The following TMEM94 variants were observed in gnomAD, a reference collection of about 807,000 sequenced individuals.
TMEM94 encodes the protein ER Mg2+ ATPase.
A neutral mutation model predicts 158.6 loss-of-function variants in TMEM94; 81 were observed. That is an observed-to-expected ratio of 0.51 (90% CI 0.43 to 0.61). TMEM94 has a LOEUF of 0.61. Ranked by LOEUF, TMEM94 falls within the 20% of genes least tolerant of loss-of-function variation. TMEM94 has a pLI of 0.00. For synonymous variants in TMEM94, 751 were observed against 730.7 expected (o/e 1.03, Z -0.45); for missense variants, 1,435 against 1,762.0 (o/e 0.81, Z 3.32).
chr17:75,486,050 G>T, intron 4 of TMEM94, 52 bp downstream of exon 4: 3 of 1,553,404 alleles, frequency 1.9e-6, no homozygotes, highest in South Asian at 2.4e-5. Flanking sequence ...TGTCCATCCT[G>T]CCGCGGCACC....
At chr17:75,486,268 G>A (rs368815448) in intron 4 of TMEM94, 22 bp from the exon 5 acceptor site, 83 of 1,613,596 alleles carry the variant, frequency 5.1e-5, no homozygotes, top group African/African-American at 1.3e-4. Context: ...CTGTGGGTGC[G>A]GCCTCTCTTT....
intron 2 of TMEM94, among the ~76,000 whole-genome samples, chr17:75,476,298 C>T (rs566213379): frequency 1.3e-5 from 2 of 152,290 alleles, no homozygotes; most frequent in African/African-American, 4.8e-5. Context: ...GCATGGTGCC[C>T]CTCAGCTAAC....
chr17:75,462,999 T>A (rs988064054), intron 1 of TMEM94, among the ~76,000 whole-genome samples: 7 of 19,848 alleles, frequency 3.5e-4, no homozygotes, highest in Non-Finnish European at 4.0e-4. Context: ...TCTCCAAAAA[T>A]AAAAAAAGTA....
intron 1 of TMEM94, among the ~76,000 whole-genome samples, chr17:75,462,293 G>A (rs960875475): frequency 6.6e-6 from 1 of 151,806 alleles, no homozygotes; most frequent in Admixed American, 6.6e-5. Context: ...TGTCAGCCTC[G>A]ACCTCCCAAA....
In TMEM94 at chr17:75,489,324, A is replaced by G; in HGVS notation, c.823A>G (p.Thr275Ala). ...CACTGCCCTGGACAATGAGCGGTTC[A>G]CAGTGCAGTCGGTGATGCTACACTA... ...PVTALDNERF[T>A]VQSVMLHYAV... is the part of the protein sequence containing the mutation. The change falls in exon 8 of 32, where the codon ACA becomes GCA. Residue 275 changes from threonine to alanine, a missense_variant. Transcript: ENST00000314256. This position sits in a 1 kb window ranked among gnomAD's most constrained non-coding sequence, Gnocchi z 5.0. 6.2e-7 allele frequency: 1 copy of G among 1,614,214 alleles called. No homozygotes were observed. The highest frequency in any genetic ancestry group is 8.5e-7 in the Non-Finnish European group (1 of 1,180,042).
At position 75,489,773 on chromosome 17, in the gene TMEM94, G is replaced by A. The variant is rs1441753917; in HGVS notation, c.954+111G>A. 1.8e-5 allele frequency: 17 copies of A among 947,156 alleles called. No individual in the cohort carries two copies. The highest frequency in any genetic ancestry group is 2.3e-5 in the Non-Finnish European group (14 of 604,306). The allele number at this position is 947,156 out of a possible 1,614,324, so 58.7% of individuals were successfully genotyped here. On this transcript the variant is annotated intron_variant, in intron 9 of 31. Coordinates refer to ENST00000314256, the MANE Select transcript of TMEM94 (RefSeq NM_014738.6). The surrounding 1 kb of genome is among the most constrained non-coding windows in gnomAD (Gnocchi z 5.0). ...CTCTGCAGCCCAGAGGTCCCCTCAC[G>A]CTTCAGCTTAAGAACACCTCTTTCC... is the stretch of plus-strand genomic sequence containing the variant.
rs779931955 is a variant in TMEM94 at position 75,493,855 on chromosome 17, C to G, written c.2346C>G (p.Cys782Trp). ...VPGQSSIFTMCELPSTIPIKQ... is the reference protein window; with the variant it reads ...VPGQSSIFTMWELPSTIPIKQ... ...GCCAAAGCAGCATCTTCACCATGTGCGAGCTGCCCAGCACCATCCCCATCA... is the reference window on the plus strand; with the variant it reads ...GCCAAAGCAGCATCTTCACCATGTGGGAGCTGCCCAGCACCATCCCCATCA... The change falls in exon 18 of 32, where the codon TGC becomes TGG. Residue 782 changes from cysteine (C) to tryptophan (W), a missense_variant. By Grantham distance (215) the Cys-to-Trp change is radical. Around this residue, in one of 3 missense-constraint regions of TMEM94, gnomAD observed 1,051 missense variants for 1,254.4 expected, o/e 0.84. Coordinates refer to ENST00000314256, the MANE Select transcript of TMEM94 (RefSeq NM_014738.6). 6.2e-7 allele frequency: 1 copy of G among 1,613,184 alleles called. No individual in the cohort carries two copies. Among genetic ancestry groups the G allele is most frequent in the Non-Finnish European group, 8.5e-7 (1 of 1,180,022 alleles).
intron 18 of TMEM94, 97 bp downstream of exon 18, chr17:75,494,013 C>A: frequency 8.2e-7 from 1 of 1,218,164 alleles, no homozygotes. Flanking sequence ...CCCGGCACCC[C>A]CCACAGCAAA....
At chr17:75,484,744 G>A (rs989985903) in intron 2 of TMEM94, among the ~76,000 whole-genome samples, 1 of 151,648 alleles carries the variant, frequency 6.6e-6, no homozygotes, top group Non-Finnish European at 1.5e-5. Context: ...TTTAAAAAAA[G>A]ATATATTTTA....
At chr17:75,490,633 G>A in intron 10 of TMEM94, 69 bp from the exon 11 acceptor site, 1 of 1,426,428 alleles carries the variant, frequency 7.0e-7, no homozygotes, top group Non-Finnish European at 9.9e-7. Context: ...CCCCCCCTCT[G>A]CCAGCTTGGA....
At chr17:75,467,887 C>T (rs1315067194) in intron 1 of TMEM94, among the ~76,000 whole-genome samples, 2 of 152,182 alleles carry the variant, frequency 1.3e-5, no homozygotes, top group Admixed American at 6.5e-5. Context: ...CTAAGTGGCA[C>T]TTGGTTCATA....
At chr17:75,472,003 TG>T (rs1555622824) in intron 2 of TMEM94, 74 bp downstream of exon 2, 13 of 1,509,444 alleles carry the variant, frequency 8.6e-6, no homozygotes, top group Non-Finnish European at 1.2e-5. Flanking sequence ...TGTTTTTGCC[TG>T]GGAGATCCTT....
chr17:75,496,662 G>A (rs747952334), intron 24 of TMEM94, 68 bp from the exon 25 acceptor site: 22 of 1,520,112 alleles, frequency 1.4e-5, no homozygotes, highest in Non-Finnish European at 1.9e-5. Context: ...TGGCTAAAGT[G>A]TGTCAGCTGT....
chr17:75,489,899 T>C lies in TMEM94; in HGVS notation c.954+237T>C, dbSNP rs542583048. Reference sequence around the variant, plus strand: ...ATCGAGACCATCCTGGCCAATATGGTGAAACCCCGTCTCTACTAAGAATAT... The same window carrying C: ...ATCGAGACCATCCTGGCCAATATGGCGAAACCCCGTCTCTACTAAGAATAT... On this transcript the variant is annotated intron_variant, in intron 9 of 31. Transcript: ENST00000314256. The surrounding 1 kb of genome is among the most constrained non-coding windows in gnomAD (Gnocchi z 5.0). The C allele has an allele frequency of 2.6e-5, 15 of 580,750 alleles. No homozygotes were observed. The East Asian group carries it at 4.4e-4, about 17-fold the overall frequency. The allele number at this position is 580,750 out of a possible 1,614,324, so 36.0% of individuals were successfully genotyped here.
intron 2 of TMEM94, chr17:75,476,736 G>A: frequency 6.5e-7 from 1 of 1,535,740 alleles, no homozygotes; most frequent in Admixed American, 2.0e-5. Flanking sequence ...CAGGGCAAAG[G>A]CAACAAAGTG....
chr17:75,487,968 G>T lies in TMEM94; in HGVS notation c.446G>T (p.Ser149Ile), dbSNP rs1478136169. The change falls in exon 6 of 32, where the codon AGT (serine) becomes ATT (isoleucine). Residue 149 changes from serine to isoleucine, a missense_variant. Physicochemically the swap from Ser to Ile is moderately radical, Grantham distance 142. Transcript: ENST00000314256. The surrounding 1 kb of genome is among the most constrained non-coding windows in gnomAD (Gnocchi z 4.6). Reference sequence around the variant, plus strand: ...GATGGCAGGGAGATCCAGTGGCCCAGTGCCATGTATCCAGACCTCCACATG... The same window carrying T: ...GATGGCAGGGAGATCCAGTGGCCCATTGCCATGTATCCAGACCTCCACATG... Reference protein sequence around the residue: ...LRDGREIQWPSAMYPDLHMPF... With the variant: ...LRDGREIQWPIAMYPDLHMPF... 2 of 1,614,034 alleles carry T rather than the reference G, an allele frequency of 1.2e-6. No individual in the cohort carries two copies. Among genetic ancestry groups the T allele is most frequent in the African/African-American group, 1.3e-5 (1 of 74,934 alleles).
In TMEM94 at chr17:75,494,702, C is replaced by T; in HGVS notation, c.2483C>T (p.Ser828Phe). ...GGCCAGATCTTCATGGGCATGGTGT[C>T]CTCCCAGTACCAGGCCCGGCTGGAC... Reference protein sequence around the residue: ...LSGQIFMGMVSSQYQARLDIV... With the variant: ...LSGQIFMGMVFSQYQARLDIV... Residue 828 changes from serine (S) to phenylalanine (F), a missense_variant, in exon 19 of 32, where the codon TCC becomes TTC. Around this residue, in one of 3 missense-constraint regions of TMEM94, gnomAD observed 1,051 missense variants for 1,254.4 expected, o/e 0.84. Coordinates refer to ENST00000314256, the MANE Select transcript of TMEM94 (RefSeq NM_014738.6). 6.2e-7 allele frequency: 1 copy of T among 1,613,708 alleles called. No individual in the cohort carries two copies. Among genetic ancestry groups the T allele is most frequent in the Non-Finnish European group, 8.5e-7 (1 of 1,180,026 alleles).
At chr17:75,475,945 T>A (rs1430707491) in intron 2 of TMEM94, among the ~76,000 whole-genome samples, 1 of 152,190 alleles carries the variant, frequency 6.6e-6, no homozygotes, top group Non-Finnish European at 1.5e-5. Flanking sequence ...TTCCTAGAAG[T>A]CACTGCTCAA....
intron 2 of TMEM94, among the ~76,000 whole-genome samples, chr17:75,484,300 C>T (rs1205557130): frequency 1.3e-5 from 2 of 150,458 alleles, no homozygotes; most frequent in African/African-American, 4.9e-5. Flanking sequence ...TCTTCCGTCC[C>T]TCCCTCCCTC....
Sources: gnomAD v4.1 joint callset for allele counts (sites outside exome capture counted in the v4.1 genomes callset) on GRCh38, gnomAD v4.1.1 for gene constraint, gnomAD v4.1.1 regional missense constraint, Gnocchi (gnomAD v3.1) non-coding constraint, MANE v1.5 for transcripts, NCBI Gene and HGNC (gene_info 2026-07-23, HGNC 2026-07-21) for gene names.